The following RGS17 variants were observed in gnomAD, a reference collection of about 807,000 sequenced individuals.
RGS17 encodes regulator of G-protein signaling 17.
RGS17 carries 12 observed loss-of-function variants against 25.5 expected under a neutral mutation model. The ratio of observed to expected loss-of-function variants is 0.47; its 90% CI spans 0.30 to 0.76. The LOEUF (loss-of-function observed/expected upper bound fraction) is 0.76. Among genes scored for constraint, RGS17 ranks in the 30% least tolerant of loss-of-function variants. The probability of loss-of-function intolerance (pLI) is 0.07; values close to 1 mark genes in which losing one functional copy is unlikely to be tolerated. For synonymous variants in RGS17, 71 were observed against 76.9 expected, an observed-to-expected ratio of 0.92 and a Z score of 0.40; for missense variants, 196 against 242.2, an observed-to-expected ratio of 0.81 and a Z score of 1.27.
At position 153,062,934 on chromosome 6, in the gene RGS17, C is replaced by T. The variant is rs184638977; in HGVS notation, c.-25-18891G>A. Among the ~76,000 whole-genome samples, 8 of 152,262 alleles carry T rather than the reference C, an allele frequency of 5.3e-5. No individual in the cohort carries two copies. The East Asian group carries it at 9.7e-4, about 18-fold the overall frequency. ...CTTGAAGGGAAGCACCCAGTCCTGG[C>T]AGGATTCATCACCTGCTAACTAAAG... On this transcript the variant is annotated intron_variant, in intron 1 of 4. Transcript: ENST00000206262.
chr6:153,035,077 C>T (rs1164200109), intron 2 of RGS17, among the ~76,000 whole-genome samples: 5 of 151,822 alleles, frequency 3.3e-5, no homozygotes, highest in African/African-American at 1.2e-4. Context: ...TTGCTTGAAC[C>T]TGGCAGGCAG....
At chr6:153,123,699 C>T (rs1359232639) in intron 1 of RGS17, among the ~76,000 whole-genome samples, 1 of 152,156 alleles carries the variant, frequency 6.6e-6, no homozygotes, top group Non-Finnish European at 1.5e-5. Flanking sequence ...GATGGAACTG[C>T]AGCAGTATCA....
In RGS17 at chr6:153,079,682, T is replaced by C. The variant is rs546643148; in HGVS notation, c.-25-35639A>G. Among the ~76,000 whole-genome samples the C allele has an allele frequency of 5.3e-5, 8 of 152,292 alleles. No individual in the cohort carries two copies. The South Asian group carries it at 1.2e-3, about 24-fold the overall frequency. The stretch of plus-strand genomic sequence containing the variant: ...GTTTGTTATGATCTCTTATCTTTTC[T>C]ATATATTGCTGGATATGAATAGCTA... On this transcript the variant is annotated intron_variant, in intron 1 of 4. Transcript: ENST00000206262.
chr6:153,120,350 C>A (rs1777608138), intron 1 of RGS17, among the ~76,000 whole-genome samples: 1 of 152,192 alleles, frequency 6.6e-6, no homozygotes, highest in Non-Finnish European at 1.5e-5. Flanking sequence ...CTTATGACAT[C>A]CTTATTTCCC....
intron 1 of RGS17, among the ~76,000 whole-genome samples, chr6:153,119,457 G>C (rs1209381656): frequency 6.6e-6 from 1 of 152,208 alleles, no homozygotes; most frequent in Admixed American, 6.5e-5. Flanking sequence ...TTGGGAGGCT[G>C]AGGCGGGTGG....
chr6:153,073,435 C>T (rs1355707807), intron 1 of RGS17, among the ~76,000 whole-genome samples: 1 of 152,136 alleles, frequency 6.6e-6, no homozygotes, highest in Non-Finnish European at 1.5e-5. Context: ...GTTTAGCAGT[C>T]AGGGTCCCAG....
chr6:153,006,676 C>T lies in RGS17; in HGVS notation c.*4898G>A, dbSNP rs767539162. The T allele has an allele frequency of 6.6e-6, 1 of 152,228 alleles. No individual in the cohort carries two copies. The highest frequency in any genetic ancestry group is 1.5e-5 in the Non-Finnish European group (1 of 68,026). The allele number at this position is 152,228 out of a possible 1,614,324, so 9.4% of individuals were successfully genotyped here. ...GACATTTAATACAAGTATACAATAA[C>T]AATTATTGACGTGATGCACTTTGAT... On this transcript the variant is annotated 3_prime_UTR_variant, in exon 5 of 5. Transcript: ENST00000206262.
chr6:153,065,867 C>T (rs549017963), intron 1 of RGS17, among the ~76,000 whole-genome samples: 1 of 151,666 alleles, frequency 6.6e-6, no homozygotes, highest in African/African-American at 2.4e-5. Context: ...GATGCATCTT[C>T]AAGAACTAGA....
chr6:153,090,121 G>A (rs1777105718), intron 1 of RGS17, among the ~76,000 whole-genome samples: 1 of 152,042 alleles, frequency 6.6e-6, no homozygotes, highest in Non-Finnish European at 1.5e-5. Context: ...TAAGGAAACC[G>A]ATCAGTTTAG....
chr6:153,085,718 T>C (rs900844170), intron 1 of RGS17, among the ~76,000 whole-genome samples: 1 of 152,208 alleles, frequency 6.6e-6, no homozygotes, highest in African/African-American at 2.4e-5. Context: ...TTAATAAATA[T>C]TACTGAAGTT....
intron 1 of RGS17, among the ~76,000 whole-genome samples, chr6:153,083,214 T>C (rs1194197593): frequency 6.6e-6 from 1 of 152,200 alleles, no homozygotes; most frequent in African/African-American, 2.4e-5. Context: ...CAAGATAAGA[T>C]TGTATCTCTA....
Position 153,053,953 on chromosome 6 carries a change from CAT to C in RGS17, c.-25-9912_-25-9911del, listed in dbSNP as rs1562321278. Among the ~76,000 whole-genome samples the C allele has an allele frequency of 7.7e-5, 4 of 52,044 alleles. 1 individual carries two copies. The highest frequency in any genetic ancestry group is 1.2e-3 in the South Asian group (2 of 1,716). The allele number at this position is 52,044 out of a possible 152,430, so 34.1% of individuals were successfully genotyped here. A position where few individuals can be genotyped will look rare whatever the true frequency, so the allele number is the denominator to read the frequency against. On this transcript the variant is annotated intron_variant, in intron 1 of 4. Transcript: ENST00000206262. ...TATATATGTATATATAATATATATACATATATATTATATACATATATATGTAT... is the reference window on the plus strand; with the variant it reads ...TATATATGTATATATAATATATATACATATATTATATACATATATATGTAT...
rs58779961 is a variant in RGS17, at chr6:153,130,483, T to TACACACAC, written c.-26+633_-26+640dup. Among the ~76,000 whole-genome samples the TACACACAC allele has an allele frequency of 6.8e-6, 1 of 146,108 alleles. No homozygotes were observed. The highest frequency in any genetic ancestry group is 2.5e-5 in the African/African-American group (1 of 39,742). On this transcript the variant is annotated intron_variant, in intron 1 of 4. Coordinates refer to ENST00000206262, the MANE Select transcript of RGS17 (RefSeq NM_012419.5). The surrounding 1 kb of genome is among the most constrained non-coding windows in gnomAD (Gnocchi z 6.4). ...CCCACCCCCTATACATACATACACA[T>TACACACAC]ACACACACACACACACACACACACA...
intron 1 of RGS17, among the ~76,000 whole-genome samples, chr6:153,076,851 A>C (rs1017810930): frequency 2.0e-5 from 3 of 152,206 alleles, no homozygotes; most frequent in African/African-American, 4.8e-5. Flanking sequence ...AAAAAACATC[A>C]TTTTTCACCA....
intron 2 of RGS17, among the ~76,000 whole-genome samples, chr6:153,041,582 C>T (rs945922653): frequency 6.6e-6 from 1 of 152,148 alleles, no homozygotes; most frequent in Non-Finnish European, 1.5e-5. Context: ...CACAAAGAAA[C>T]TTCAGTATTC....
intron 1 of RGS17, among the ~76,000 whole-genome samples, chr6:153,079,650 A>G (rs1776942727): frequency 6.6e-6 from 1 of 152,206 alleles, no homozygotes; most frequent in Non-Finnish European, 1.5e-5. Context: ...TCCTGGAATA[A>G]ACCTCAGTTT....
chr6:153,122,398 C>T (rs941643278), intron 1 of RGS17, among the ~76,000 whole-genome samples: 2 of 152,086 alleles, frequency 1.3e-5, no homozygotes, highest in Non-Finnish European at 2.9e-5. Flanking sequence ...TCAACTAAAT[C>T]CATCATTTAT....
intron 2 of RGS17, among the ~76,000 whole-genome samples, chr6:153,033,432 G>A (rs1340442153): frequency 3.3e-5 from 5 of 151,860 alleles, no homozygotes; most frequent in Admixed American, 1.3e-4. Context: ...CATAATACAC[G>A]CCAGGCCAAG....
intron 1 of RGS17, among the ~76,000 whole-genome samples, chr6:153,052,798 T>C (rs540395988): frequency 4.9e-4 from 74 of 152,210 alleles, no homozygotes; most frequent in South Asian, 3.5e-3. Flanking sequence ...CTCAAACACA[T>C]ATGTTGAAAT....
Sources: gnomAD v4.1 joint callset for allele counts (sites outside exome capture counted in the v4.1 genomes callset) on GRCh38, gnomAD v4.1.1 for gene constraint, Gnocchi (gnomAD v3.1) non-coding constraint, MANE v1.5 for transcripts, NCBI Gene and HGNC (gene_info 2026-07-23, HGNC 2026-07-21) for gene names.